PCDHGA8: variants seen among roughly 807,000 people sequenced by gnomAD.
PCDHGA8 encodes the protein protocadherin gamma-A8.
A neutral mutation model predicts 59.2 loss-of-function variants in PCDHGA8; 45 were observed. The ratio of observed to expected loss-of-function variants is 0.76; its 90% CI spans 0.60 to 0.98. The LOEUF is 0.98. PCDHGA8 is among the 50% of genes least tolerant of loss of function. The pLI is 0.00. For synonymous variants in PCDHGA8, 531 were observed against 519.0 expected (o/e 1.02, Z -0.32); for missense variants, 1,257 against 1,196.2 (o/e 1.05, Z -0.75).
chr5:141,499,012 G>GGAAGGAAT, intron 2 of PCDHGA8, among the ~76,000 whole-genome samples: 1 of 147,618 alleles, frequency 6.8e-6, no homozygotes. Context: ...AAGGAAGGAA[G>GGAAGGAAT]GAAGGAAGGA....
Position 141,486,595 on chromosome 5 carries a change from T to G in PCDHGA8, c.2425-8212T>G. ...AGAACAATCGCCCAGGGGACCTGCTTTGCTCCCTTGCAGCCTCTGACCCAG... is the reference window on the plus strand; with the variant it reads ...AGAACAATCGCCCAGGGGACCTGCTGTGCTCCCTTGCAGCCTCTGACCCAG... On this transcript the variant is annotated intron_variant, in intron 1 of 3. Coordinates refer to ENST00000398604, the MANE Select transcript of PCDHGA8 (RefSeq NM_032088.2). This position sits in a 1 kb window ranked among gnomAD's most constrained non-coding sequence, Gnocchi z 5.0. The G allele has an allele frequency of 6.2e-7, 1 of 1,613,614 alleles. No homozygotes were observed. Among genetic ancestry groups the G allele is most frequent in the Non-Finnish European group, 8.5e-7 (1 of 1,180,016 alleles).
At chr5:141,497,223 T>G (rs921763195) in intron 2 of PCDHGA8, among the ~76,000 whole-genome samples, 14 of 151,762 alleles carry the variant, frequency 9.2e-5, no homozygotes, top group African/African-American at 3.4e-4. Context: ...GGGGGGAAGA[T>G]CAGAGAAGGC....
chr5:141,403,773 A>T, intron 1 of PCDHGA8: 1 of 1,613,956 alleles, frequency 6.2e-7, no homozygotes, highest in South Asian at 1.1e-5. Context: ...GAGGGAATCA[A>T]CGGAAAAGTG....
intron 1 of PCDHGA8, among the ~76,000 whole-genome samples, chr5:141,475,567 A>G (rs1260546062): frequency 6.6e-6 from 1 of 152,244 alleles, no homozygotes; most frequent in African/African-American, 2.4e-5. Flanking sequence ...CTGTCTTCCA[A>G]CAAGCCAGAT....
Position 141,486,314 on chromosome 5 carries a change from T to C in PCDHGA8, c.2425-8493T>C, listed in dbSNP as rs775833520. The C allele has an allele frequency of 4.5e-5, 72 of 1,613,758 alleles. No homozygotes were observed. The highest frequency in any genetic ancestry group is 5.9e-5 in the Non-Finnish European group (70 of 1,179,984). On this transcript the variant is annotated intron_variant, in intron 1 of 3. Transcript: ENST00000398604. This position sits in a 1 kb window ranked among gnomAD's most constrained non-coding sequence, Gnocchi z 5.0. ...CAGTGTGCAGGATCCAGACTCAGGG[T>C]CAAACGGAGATGTGAGCCTCCGCAT...
chr5:141,468,651 G>C (rs2099171216), intron 1 of PCDHGA8: 1 of 152,018 alleles, frequency 6.6e-6, no homozygotes, highest in African/African-American at 2.4e-5. Context: ...CGGATCACAA[G>C]GTCAGGAGAT....
rs1427052612 is a variant in PCDHGA8 at position 141,493,002 on chromosome 5, A to G, written c.2425-1805A>G. Among the ~76,000 whole-genome samples, 4 of 152,246 alleles carry G rather than the reference A, an allele frequency of 2.6e-5. No individual in the cohort carries two copies. The highest frequency in any genetic ancestry group is 2.1e-4 in the South Asian group (1 of 4,832). On this transcript the variant is annotated intron_variant, in intron 1 of 3. Transcript: ENST00000398604. This position sits in a 1 kb window ranked among gnomAD's most constrained non-coding sequence, Gnocchi z 4.3. ...TCTCCTCTGGCAGATGGAAAGCTAT[A>G]GGCTCTGCCAGATGCCAGGGTGCCC... is the stretch of plus-strand genomic sequence containing the variant.
At chr5:141,466,201 T>C (rs985163022) in intron 1 of PCDHGA8, among the ~76,000 whole-genome samples, 1 of 152,006 alleles carries the variant, frequency 6.6e-6, no homozygotes, top group African/African-American at 2.4e-5. Context: ...GACACAGCCT[T>C]GCTCTGTTAC....
intron 1 of PCDHGA8, chr5:141,478,852 A>G (rs2099480601): frequency 7.3e-7 from 1 of 1,367,502 alleles, no homozygotes; most frequent in African/African-American, 1.5e-5. Flanking sequence ...GCTAAAACAC[A>G]AGATCTCAGC....
rs1189175823 is a variant in PCDHGA8 at position 141,422,087 on chromosome 5, G to T, written c.2424+26850G>T. 2 of 1,611,966 alleles carry T rather than the reference G, an allele frequency of 1.2e-6. No individual in the cohort carries two copies. ...ATGTATTCATTTCGGAACATGGAAA[G>T]CAAGGCTTCTGAAATATTCCAATTG... is the stretch of plus-strand genomic sequence containing the variant. On this transcript the variant is annotated intron_variant, in intron 1 of 3. Transcript: ENST00000398604.
At position 141,432,325 on chromosome 5, in the gene PCDHGA8, C is replaced by A; in HGVS notation, c.2424+37088C>A. 6.2e-7 allele frequency: 1 copy of A among 1,614,260 alleles called. No individual in the cohort carries two copies. The highest frequency in any genetic ancestry group is 1.1e-5 in the South Asian group (1 of 91,092). On this transcript the variant is annotated intron_variant, in intron 1 of 3. Transcript: ENST00000398604. The surrounding 1 kb of genome is among the most constrained non-coding windows in gnomAD (Gnocchi z 6.0). The stretch of plus-strand genomic sequence containing the variant: ...TGTATGCGCTGAGCTCCTTCGACTA[C>A]GAGCAGTTCCGAGACTTGCAAGTGA...
At chr5:141,399,653 TG>T in intron 1 of PCDHGA8, 1 of 1,613,606 alleles carries the variant, frequency 6.2e-7, no homozygotes, top group Non-Finnish European at 8.5e-7. Flanking sequence ...CAAAGTGGGG[TG>T]GTGTTCGCGC....
rs1188356077 is a variant in PCDHGA8 at position 141,395,188 on chromosome 5, T to C, written c.2375T>C (p.Leu792Ser). The C allele has an allele frequency of 6.2e-7, 1 of 1,614,128 alleles. No homozygotes were observed. The highest frequency in any genetic ancestry group is 2.2e-5 in the East Asian group (1 of 44,892). Residue 792 changes from leucine to serine, a missense_variant, in exon 1 of 4, where the codon TTA (leucine) becomes TCA (serine). Leu to Ser is a moderately radical substitution (Grantham distance 145, BLOSUM62 -2). Coordinates refer to ENST00000398604, the MANE Select transcript of PCDHGA8 (RefSeq NM_032088.2). ...GGCTGTGAGAAAAATGATTCTTTGT[T>C]AACATCCGTAGATTTTCATGAATAT... ...QEGCEKNDSL[L>S]TSVDFHEYKN... is the part of the protein sequence containing the mutation.
In PCDHGA8 at chr5:141,486,435, A is replaced by G. The variant is rs2099629501; in HGVS notation, c.2425-8372A>G. The G allele has an allele frequency of 6.2e-7, 1 of 1,614,118 alleles. No homozygotes were observed. Among genetic ancestry groups the G allele is most frequent in the Non-Finnish European group, 8.5e-7 (1 of 1,179,960 alleles). ...TTGGATCGAGAGGCCAAATCTAGCT[A>G]TGACATCATGGTCACTGCTTCTGAT... is the stretch of plus-strand genomic sequence containing the variant. On this transcript the variant is annotated intron_variant, in intron 1 of 3. Coordinates refer to ENST00000398604, the MANE Select transcript of PCDHGA8 (RefSeq NM_032088.2). This position sits in a 1 kb window ranked among gnomAD's most constrained non-coding sequence, Gnocchi z 5.0.
At chr5:141,468,889 G>T (rs2099184580) in intron 1 of PCDHGA8, among the ~76,000 whole-genome samples, 1 of 151,496 alleles carries the variant, frequency 6.6e-6, no homozygotes, top group African/African-American at 2.4e-5. Flanking sequence ...ATAATAATAA[G>T]GTACTAATAT....
chr5:141,399,026 A>C (rs1448827116), intron 1 of PCDHGA8: 1 of 1,613,886 alleles, frequency 6.2e-7, no homozygotes, highest in East Asian at 2.2e-5. Flanking sequence ...ATTACCACTC[A>C]AAAGAAACTG....
chr5:141,511,428 G>T lies in PCDHGA8; in HGVS notation c.*255G>T. 1 of 769,024 alleles carries T rather than the reference G, an allele frequency of 1.3e-6. No homozygotes were observed. The highest frequency in any genetic ancestry group is 2.0e-6 in the Non-Finnish European group (1 of 504,448). 47.6% of individuals were successfully genotyped at this position (769,024 alleles called of 1,614,324 possible). ...ACTGCTGTACCCATGGGGGTAGTGG[G>T]GTTACTGTAGACACCAAGAACCATT... On this transcript the variant is annotated 3_prime_UTR_variant, in exon 4 of 4. Transcript: ENST00000398604.
At chr5:141,497,855 C>T (rs1447484949) in intron 2 of PCDHGA8, among the ~76,000 whole-genome samples, 1 of 152,122 alleles carries the variant, frequency 6.6e-6, no homozygotes, top group Non-Finnish European at 1.5e-5. Flanking sequence ...ATTTTTGATT[C>T]AGCGGCTCCA....
At chr5:141,409,776 T>C in intron 1 of PCDHGA8, 1 of 1,612,708 alleles carries the variant, frequency 6.2e-7, no homozygotes, top group Non-Finnish European at 8.5e-7. Context: ...CACGAGCAGC[T>C]GCGCGCCTTC....
Sources: allele counts gnomAD v4.1 joint callset (sites outside exome capture counted in the v4.1 genomes callset), GRCh38; gene constraint gnomAD v4.1.1; non-coding constraint Gnocchi (gnomAD v3.1); transcripts MANE v1.5; gene names NCBI Gene and HGNC (gene_info 2026-07-23, HGNC 2026-07-21).